The following PAX2 variants were observed in gnomAD, a reference collection of about 807,000 sequenced individuals.
The protein encoded by PAX2 is paired box protein Pax-2.
Under a neutral mutation model 41.7 loss-of-function variants are expected in PAX2, and 9 were observed. The ratio of observed to expected loss-of-function variants is 0.22; its 90% CI spans 0.13 to 0.38. PAX2 has a LOEUF of 0.38. Among genes scored for constraint, PAX2 ranks in the 10% least tolerant of loss-of-function variants. The pLI is 1.00. For missense variants in PAX2, 418 were observed against 531.6 expected, an observed-to-expected ratio of 0.79 and a Z score of 2.10; for synonymous variants, 221 against 212.7, an observed-to-expected ratio of 1.04 and a Z score of -0.34.
At chr10:100,775,532 G>T (rs1473846911) in intron 3 of PAX2, among the ~76,000 whole-genome samples, 3 of 152,290 alleles carry the variant, frequency 2.0e-5, no homozygotes, top group African/African-American at 7.2e-5. Context: ...CCACCAAGCC[G>T]CTGTCAGGGA....
chr10:100,747,466 AT>A (rs149397887), intron 1 of PAX2: 14 of 237,334 alleles, frequency 5.9e-5, no homozygotes, highest in African/African-American at 1.6e-4. Context: ...CTATTCTGAG[AT>A]TTTTTTTGCA....
At chr10:100,741,944 C>A (rs1271053777), upstream of PAX2, among the ~76,000 whole-genome samples, 1 of 152,208 alleles carries the variant, frequency 6.6e-6, no homozygotes, top group Non-Finnish European at 1.5e-5. Flanking sequence ...CTCCCCTAGC[C>A]GCTCCCCGGG....
chr10:100,788,175 C>T (rs1316478440), intron 5 of PAX2, among the ~76,000 whole-genome samples: 1 of 152,212 alleles, frequency 6.6e-6, no homozygotes, highest in Non-Finnish European at 1.5e-5. Flanking sequence ...AAGGAAGAGA[C>T]TTTACTGCTA....
intron 3 of PAX2, among the ~76,000 whole-genome samples, chr10:100,751,653 C>T (rs1158799224): frequency 6.6e-6 from 1 of 152,154 alleles, no homozygotes; most frequent in Non-Finnish European, 1.5e-5. Context: ...ATTTAGGTCT[C>T]CTGGTCTCCA....
At chr10:100,815,233 A>G (rs970075137) in intron 7 of PAX2, among the ~76,000 whole-genome samples, 12 of 152,122 alleles carry the variant, frequency 7.9e-5, no homozygotes, top group African/African-American at 2.9e-4. Context: ...CCGGGGGAGG[A>G]GAGGGCAATA....
In PAX2 at chr10:100,749,864, C is replaced by A. The variant is rs1465410563; in HGVS notation, c.162C>A (p.Ile54=). 7 of 1,612,328 alleles carry A rather than the reference C, an allele frequency of 4.3e-6. No individual in the cohort carries two copies. The highest frequency in any genetic ancestry group is 5.9e-6 in the Non-Finnish European group (7 of 1,179,578). Residue 54 remains isoleucine, a synonymous_variant, in exon 2 of 10, where the codon ATC becomes ATA. Coordinates refer to ENST00000355243, the MANE Select transcript of PAX2 (RefSeq NM_000278.5). ...LAHQGVRPCD[I]SRQLRVSHGC... ...ACCAGGGTGTGCGGCCCTGTGACAT[C>A]TCCCGGCAGCTGCGGGTCAGCCACG... is the stretch of plus-strand genomic sequence containing the variant.
intron 7 of PAX2, among the ~76,000 whole-genome samples, chr10:100,822,944 G>A (rs1236037601): frequency 1.3e-5 from 2 of 152,186 alleles, no homozygotes; most frequent in African/African-American, 4.8e-5. Context: ...TGAAAGCAAA[G>A]TTTCATGAGG....
chr10:100,822,609 G>T (rs1477259823), intron 7 of PAX2, among the ~76,000 whole-genome samples: 1 of 152,212 alleles, frequency 6.6e-6, no homozygotes. Flanking sequence ...CATATATTAT[G>T]AAATATAATG....
intron 3 of PAX2, among the ~76,000 whole-genome samples, chr10:100,767,523 A>T (rs1176101883): frequency 6.6e-6 from 1 of 152,176 alleles, no homozygotes; most frequent in Non-Finnish European, 1.5e-5. Context: ...AGGGGAGCTC[A>T]CTAAGCTGGG....
intron 1 of PAX2, among the ~76,000 whole-genome samples, chr10:100,739,202 G>A (rs559276160): frequency 1.8e-3 from 267 of 152,220 alleles, no homozygotes; most frequent in Admixed American, 2.7e-3. Flanking sequence ...GTCCCACGAC[G>A]CCCCTTTCCT....
intron 5 of PAX2, among the ~76,000 whole-genome samples, chr10:100,794,165 A>G (rs757739983): frequency 3.7e-4 from 57 of 152,320 alleles, no homozygotes; most frequent in Non-Finnish European, 6.2e-4. Context: ...TTCTGCCTGA[A>G]AGGCCACAGC....
chr10:100,777,134 C>G (rs1846420487), intron 3 of PAX2, among the ~76,000 whole-genome samples: 1 of 136,358 alleles, frequency 7.3e-6, no homozygotes, highest in Non-Finnish European at 1.5e-5. Flanking sequence ...CGGAGTCTTA[C>G]TCTGTCGCCT....
intron 7 of PAX2, 39 bp downstream of exon 7, chr10:100,809,275 G>T (rs755756789): frequency 6.2e-7 from 1 of 1,601,150 alleles, no homozygotes; most frequent in South Asian, 1.1e-5. Flanking sequence ...ACTGCGTTCA[G>T]TGGAGGGTGC....
At chr10:100,771,688 T>C (rs1846214301) in intron 3 of PAX2, among the ~76,000 whole-genome samples, 1 of 152,224 alleles carries the variant, frequency 6.6e-6, no homozygotes, top group Non-Finnish European at 1.5e-5. Flanking sequence ...TTAGTGTTGC[T>C]GACTTGCCTC....
chr10:100,806,376 C>T (rs1474747762), intron 5 of PAX2, 54 bp from the exon 6 acceptor site: 2 of 1,582,974 alleles, frequency 1.3e-6, no homozygotes, highest in Admixed American at 1.7e-5. Context: ...CTGCACTGTT[C>T]CTGTGCCTCT....
rs1343671408 is a variant in PAX2 at position 100,745,980 on chromosome 10, G to A, written c.-281G>A. On this transcript the variant is annotated 5_prime_UTR_variant, in exon 1 of 10. Transcript: ENST00000355243. ...GAGCCATGCGCCCCCAGTGCACCCC[G>A]GCCCGGCCCACCGCCCCGGGGCCAT... The A allele has an allele frequency of 3.7e-6, 5 of 1,334,032 alleles. No homozygotes were observed. The highest frequency in any genetic ancestry group is 3.8e-6 in the Non-Finnish European group (4 of 1,046,608). The allele number at this position is 1,334,032 out of a possible 1,614,324, so 82.6% of individuals were successfully genotyped here. A position where few individuals can be genotyped will look rare whatever the true frequency, so the allele number is the denominator to read the frequency against.
chr10:100,810,680 G>C (rs2133959131), intron 7 of PAX2, among the ~76,000 whole-genome samples: 1 of 152,360 alleles, frequency 6.6e-6, no homozygotes, highest in East Asian at 1.9e-4. Flanking sequence ...TCCAGGCACT[G>C]TTCAAAGAGA....
chr10:100,761,191 C>CT (rs397967287), intron 3 of PAX2, among the ~76,000 whole-genome samples: 2,764 of 146,322 alleles, frequency 0.019, 94 homozygotes, highest in African/African-American at 0.064. Flanking sequence ...GGTGTGGTAC[C>CT]TTTTTTTTTT....
At chr10:100,783,007 G>A (rs958132045) in intron 5 of PAX2, among the ~76,000 whole-genome samples, 1 of 152,236 alleles carries the variant, frequency 6.6e-6, no homozygotes, top group African/African-American at 2.4e-5. Context: ...TCAGTCTGAG[G>A]CTGTGGCCAA....
Sources: allele counts gnomAD v4.1 joint callset (sites outside exome capture counted in the v4.1 genomes callset), GRCh38; gene constraint gnomAD v4.1.1; transcripts MANE v1.5; gene names NCBI Gene and HGNC (gene_info 2026-07-23, HGNC 2026-07-21).